The following OSBPL1A variants were observed in gnomAD, a reference collection of about 807,000 sequenced individuals.
OSBPL1A encodes oxysterol-binding protein-related protein 1.
OSBPL1A carries 80 observed loss-of-function variants against 137.1 expected under a neutral mutation model. That is an observed-to-expected ratio of 0.58 (90% CI 0.49 to 0.70). OSBPL1A has a LOEUF of 0.70. Among genes scored for constraint, OSBPL1A ranks in the 30% least tolerant of loss-of-function variants. OSBPL1A has a pLI of 0.00. For missense variants in OSBPL1A, 970 were observed against 1,129.4 expected (o/e 0.86, Z 2.02); for synonymous variants, 365 against 389.7 (o/e 0.94, Z 0.75).
At chr18:24,172,599 A>G (rs1599430806) in intron 21 of OSBPL1A, 116 bp from the exon 22 acceptor site, 3 of 669,656 alleles carry the variant, frequency 4.5e-6, no homozygotes, top group East Asian at 2.7e-5. Flanking sequence ...TGAGATAACT[A>G]CGTTCTAAGC....
At chr18:24,328,811 GT>G (rs1406684675) in intron 7 of OSBPL1A, among the ~76,000 whole-genome samples, 1 of 152,014 alleles carries the variant, frequency 6.6e-6, no homozygotes, top group Non-Finnish European at 1.5e-5. Context: ...CAAAGACTTA[GT>G]ATCAAAAAAG....
At chr18:24,177,933 G>C (rs1309047521) in intron 21 of OSBPL1A, 80 bp downstream of exon 21, 8 of 1,357,072 alleles carry the variant, frequency 5.9e-6, no homozygotes, top group Non-Finnish European at 7.1e-6. Flanking sequence ...CTTTTGAACA[G>C]TAAGGTCAGC....
chr18:24,187,294 A>G (rs1271406511), intron 18 of OSBPL1A, among the ~76,000 whole-genome samples: 1 of 152,234 alleles, frequency 6.6e-6, no homozygotes, highest in African/African-American at 2.4e-5. Context: ...AGCTGAAGAG[A>G]GTTCTGTGGA....
At chr18:24,187,504 A>C (rs2086782942) in intron 18 of OSBPL1A, among the ~76,000 whole-genome samples, 2 of 152,190 alleles carry the variant, frequency 1.3e-5, no homozygotes, top group Non-Finnish European at 2.9e-5. Flanking sequence ...CGTGGCAGCC[A>C]GCAAGTCCCT....
chr18:24,247,639 T>C (rs1315981080), intron 15 of OSBPL1A, among the ~76,000 whole-genome samples: 1 of 151,146 alleles, frequency 6.6e-6, no homozygotes, highest in Admixed American at 6.6e-5. Context: ...ATTTTTTTTG[T>C]AATTTTTTTT....
intron 7 of OSBPL1A, among the ~76,000 whole-genome samples, chr18:24,326,925 T>C (rs142534832): frequency 2.6e-5 from 4 of 152,166 alleles, no homozygotes; most frequent in Non-Finnish European, 5.9e-5. Flanking sequence ...GTTTTCCTCA[T>C]TGCAACTATA....
In OSBPL1A at chr18:24,365,035, A is replaced by C. The variant is rs1239753094; in HGVS notation, c.282+1857T>G. 1.1e-3 allele frequency among the ~76,000 whole-genome samples: 163 copies of C among 151,644 alleles called. 1 individual carries two copies. Among genetic ancestry groups the C allele is most frequent in the African/African-American group, 3.6e-3 (149 of 41,436 alleles). ...CTCAAAAAACAACAACAAAAAAAAAAAAAAAAAAAAAAATCCAGAAACATT... is the reference window on the plus strand; with the variant it reads ...CTCAAAAAACAACAACAAAAAAAAACAAAAAAAAAAAAATCCAGAAACATT... On this transcript the variant is annotated intron_variant, in intron 4 of 27. Transcript: ENST00000319481.
rs776591503 is a variant in OSBPL1A at position 24,366,889 on chromosome 18, C to T, written c.282+3G>A. On this transcript the variant is annotated splice_donor_region_variant and intron_variant, in intron 4 of 27. Transcript: ENST00000319481. ...CAAACATTGAACATAGAATGATTTTCACCTTTCGTCCTGTAAAGGCAGCTC... is the reference window on the plus strand; with the variant it reads ...CAAACATTGAACATAGAATGATTTTTACCTTTCGTCCTGTAAAGGCAGCTC... The T allele has an allele frequency of 4.4e-6, 7 of 1,608,970 alleles. No homozygotes were observed. In the African/African-American group the frequency reaches 9.4e-5, roughly 22 times the overall value.
intron 21 of OSBPL1A, among the ~76,000 whole-genome samples, chr18:24,173,705 T>C (rs1194697651): frequency 1.3e-5 from 2 of 152,222 alleles, no homozygotes; most frequent in African/African-American, 4.8e-5. Flanking sequence ...GAGCCACCGC[T>C]GCACCTTCAT....
At chr18:24,289,438 T>C (rs1192757325) in intron 14 of OSBPL1A, among the ~76,000 whole-genome samples, 7 of 143,364 alleles carry the variant, frequency 4.9e-5, no homozygotes, top group African/African-American at 2.0e-4. Flanking sequence ...TTTTTTTTTT[T>C]TGAGATGGAG....
chr18:24,373,551 A>G (rs1055762675), intron 2 of OSBPL1A, among the ~76,000 whole-genome samples: 1 of 152,154 alleles, frequency 6.6e-6, no homozygotes, highest in Non-Finnish European at 1.5e-5. Context: ...CTCCTCTCCC[A>G]GACCCTAAAA....
intron 14 of OSBPL1A, among the ~76,000 whole-genome samples, chr18:24,282,893 G>A (rs964939345): frequency 6.6e-6 from 1 of 152,098 alleles, no homozygotes; most frequent in Admixed American, 6.6e-5. Context: ...AGGATCACTT[G>A]AGGCCAGGAG....
At chr18:24,310,623 GAAAAA>G (rs1182540410) in intron 13 of OSBPL1A, among the ~76,000 whole-genome samples, 2 of 128,894 alleles carry the variant, frequency 1.6e-5, no homozygotes, top group African/African-American at 2.9e-5. Flanking sequence ...AAAAAGAAAA[GAAAAA>G]AAAAAAGAAG....
intron 17 of OSBPL1A, among the ~76,000 whole-genome samples, chr18:24,216,553 T>C (rs1242259104): frequency 1.3e-5 from 2 of 152,134 alleles, no homozygotes; most frequent in Non-Finnish European, 2.9e-5. Flanking sequence ...ATTTTAAATA[T>C]ATGGGCAATT....
intron 4 of OSBPL1A, among the ~76,000 whole-genome samples, chr18:24,346,697 T>C (rs925539987): frequency 6.6e-6 from 1 of 152,220 alleles, no homozygotes; most frequent in Non-Finnish European, 1.5e-5. Context: ...CACATGTTTA[T>C]CTATTAAATA....
At chr18:24,340,897 T>G (rs1299089711) in intron 5 of OSBPL1A, among the ~76,000 whole-genome samples, 3 of 152,226 alleles carry the variant, frequency 2.0e-5, no homozygotes, top group Non-Finnish European at 4.4e-5. Context: ...CCCTTCATTG[T>G]CATGTTTCAT....
chr18:24,269,455 A>G (rs1439912853), intron 15 of OSBPL1A, among the ~76,000 whole-genome samples: 2 of 152,192 alleles, frequency 1.3e-5, no homozygotes, highest in Admixed American at 1.3e-4. Context: ...TGACGCCGGT[A>G]TAAGTCAGAT....
At chr18:24,187,884 T>A (rs1240152198) in intron 18 of OSBPL1A, among the ~76,000 whole-genome samples, 1 of 152,198 alleles carries the variant, frequency 6.6e-6, no homozygotes, top group Admixed American at 6.5e-5. Context: ...TGGCAGGGGT[T>A]CACTGCAGTG....
chr18:24,320,462 A>G (rs1327330448), intron 7 of OSBPL1A, among the ~76,000 whole-genome samples: 1 of 152,196 alleles, frequency 6.6e-6, no homozygotes, highest in Non-Finnish European at 1.5e-5. Flanking sequence ...GTTGAAAAGA[A>G]GGATCCAGCC....
Sources: gnomAD v4.1 joint callset for allele counts (sites outside exome capture counted in the v4.1 genomes callset) on GRCh38, gnomAD v4.1.1 for gene constraint, MANE v1.5 for transcripts, NCBI Gene and HGNC (gene_info 2026-07-23, HGNC 2026-07-21) for gene names.